Variants in RARS2 observed in about 807,000 individuals in gnomAD.
RARS2 encodes the protein arginyl-tRNA synthetase 2, mitochondrial.
Under a neutral mutation model 88.5 loss-of-function variants are expected in RARS2, and 67 were observed. The observed-to-expected ratio is 0.76, with a 90% CI of 0.62 to 0.93. The LOEUF is 0.93. Among genes scored for constraint, RARS2 ranks in the 40% least tolerant of loss-of-function variants. The pLI is 0.00. For missense variants in RARS2, 664 were observed against 684.2 expected (o/e 0.97, Z 0.33); for synonymous variants, 239 against 230.3 (o/e 1.04, Z -0.34).
intron 1 of RARS2, among the ~76,000 whole-genome samples, chr6:87,573,112 T>C (rs1057345810): frequency 8.5e-5 from 13 of 152,120 alleles, no homozygotes; most frequent in Admixed American, 3.9e-4. Context: ...GGCTAATTCA[T>C]GAGGAAAAGA....
In RARS2 at chr6:87,548,650, C is replaced by A. The variant is rs1355908142; in HGVS notation, c.396-4G>T. On this transcript the variant is annotated splice_region_variant and splice_polypyrimidine_tract_variant and intron_variant, in intron 5 of 19. Transcript: ENST00000369536. ...TTTTTTGGCAACATTAGGTGAACTG[C>A]AAAAAAAATGGGAAACATTTCTCTA... is the stretch of plus-strand genomic sequence containing the variant. 6.2e-7 allele frequency: 1 copy of A among 1,606,578 alleles called. No homozygotes were observed. Among genetic ancestry groups the A allele is most frequent in the Non-Finnish European group, 8.5e-7 (1 of 1,175,416 alleles).
intron 2 of RARS2, among the ~76,000 whole-genome samples, chr6:87,567,643 T>C (rs1369177530): frequency 6.6e-6 from 1 of 152,246 alleles, no homozygotes; most frequent in Non-Finnish European, 1.5e-5. Flanking sequence ...CTTAGTTACA[T>C]ACTGTAAAGG....
At chr6:87,548,489 G>GT in intron 6 of RARS2, 102 bp downstream of exon 6, 1 of 1,179,950 alleles carries the variant, frequency 8.5e-7, no homozygotes, top group South Asian at 1.4e-5. Flanking sequence ...TAAACTTTTT[G>GT]TTTTTTGCTA....
chr6:87,548,144 G>A (rs1420402782), intron 6 of RARS2, among the ~76,000 whole-genome samples: 1 of 152,176 alleles, frequency 6.6e-6, no homozygotes, highest in Non-Finnish European at 1.5e-5. Context: ...TTGGGAGGCT[G>A]AGGCAGGAGA....
chr6:87,569,476 A>T (rs370943491), intron 2 of RARS2, 41 bp downstream of exon 2: 29 of 1,485,526 alleles, frequency 2.0e-5, no homozygotes, highest in Non-Finnish European at 2.5e-5. Flanking sequence ...CAACAAAGTC[A>T]GCAACATTTT....
At chr6:87,539,716 C>T (rs149375713) in intron 8 of RARS2, among the ~76,000 whole-genome samples, 32 of 152,284 alleles carry the variant, frequency 2.1e-4, no homozygotes, top group African/African-American at 7.0e-4. Flanking sequence ...CTCCTTTGTT[C>T]GGTATACTCT....
intron 8 of RARS2, among the ~76,000 whole-genome samples, chr6:87,536,013 G>C (rs1779052242): frequency 6.6e-6 from 1 of 151,922 alleles, no homozygotes; most frequent in Non-Finnish European, 1.5e-5. Flanking sequence ...GTCAGTGCTA[G>C]GATACAGGCT....
rs199941996 is a variant in RARS2 at position 87,521,538 on chromosome 6, G to A, written c.975-14C>T. 904 of 1,608,398 alleles carry A rather than the reference G, an allele frequency of 5.6e-4. No individual in the cohort carries two copies. Among genetic ancestry groups the A allele is most frequent in the Non-Finnish European group, 7.1e-4 (836 of 1,175,238 alleles). On this transcript the variant is annotated splice_polypyrimidine_tract_variant and intron_variant, in intron 11 of 19. Coordinates refer to ENST00000369536, the MANE Select transcript of RARS2 (RefSeq NM_020320.5). ...GCTGCAAGATCTCTGAAACAAAGTGGCCATAAACCAAGAGTTACTAAGCAG... is the reference window on the plus strand; with the variant it reads ...GCTGCAAGATCTCTGAAACAAAGTGACCATAAACCAAGAGTTACTAAGCAG...
intron 2 of RARS2, among the ~76,000 whole-genome samples, chr6:87,565,712 A>G (rs1391228700): frequency 6.6e-6 from 1 of 152,236 alleles, no homozygotes; most frequent in Non-Finnish European, 1.5e-5. Context: ...TTTAATCAAC[A>G]TATAAGCATC....
At chr6:87,565,072 C>T (rs1767468755) in intron 2 of RARS2, among the ~76,000 whole-genome samples, 1 of 152,100 alleles carries the variant, frequency 6.6e-6, no homozygotes, top group African/African-American at 2.4e-5. Context: ...AATTCTTCCT[C>T]TTATACTAGC....
intron 4 of RARS2, among the ~76,000 whole-genome samples, chr6:87,556,328 G>A (rs1409172885): frequency 6.6e-6 from 1 of 151,852 alleles, no homozygotes; most frequent in African/African-American, 2.4e-5. Flanking sequence ...ATATTTTTGA[G>A]ACAGGCCTTA....
At chr6:87,528,705 G>T (rs763777101) in intron 10 of RARS2, among the ~76,000 whole-genome samples, 35 of 152,152 alleles carry the variant, frequency 2.3e-4, no homozygotes, top group Non-Finnish European at 4.3e-4. Context: ...AAGCAGAGAA[G>T]TAGAATGGAG....
rs148536715 is a variant in RARS2, at chr6:87,528,862, G to A, written c.878+680C>T. The stretch of plus-strand genomic sequence containing the variant: ...AGTACACTTGAAAACTGCTAACAGG[G>A]TAGATTTTAAATGTTCTCATCATAG... On this transcript the variant is annotated intron_variant, in intron 10 of 19. Transcript: ENST00000369536. Among the ~76,000 whole-genome samples the A allele has an allele frequency of 3.3e-3, 495 of 152,246 alleles. 2 individuals are homozygous for A. Among genetic ancestry groups the A allele is most frequent in the Non-Finnish European group, 5.0e-3 (343 of 68,018 alleles).
intron 1 of RARS2, among the ~76,000 whole-genome samples, chr6:87,586,707 T>C (rs770870216): frequency 6.6e-6 from 1 of 152,160 alleles, no homozygotes; most frequent in African/African-American, 2.4e-5. Flanking sequence ...ACGTTACACA[T>C]TCCTTCATTC....
intron 1 of RARS2, among the ~76,000 whole-genome samples, chr6:87,578,958 CAAAAAAAAAA>C (rs72383675): frequency 9.5e-5 from 4 of 41,886 alleles, no homozygotes; most frequent in South Asian, 1.4e-3. Flanking sequence ...GAGACTGTCT[CAAAAAAAAAA>C]AAAAAAAAAA....
At chr6:87,552,007 T>C (rs1784493251) in intron 5 of RARS2, among the ~76,000 whole-genome samples, 1 of 152,210 alleles carries the variant, frequency 6.6e-6, no homozygotes, top group Non-Finnish European at 1.5e-5. Context: ...TGGACAGCCA[T>C]TTATCCTGTA....
chr6:87,589,952 C>A lies in RARS2; in HGVS notation c.6G>T (p.Ala2=), dbSNP rs371542506. Residue 2 remains alanine (A), a synonymous_variant, in exon 1 of 20, where the codon GCG becomes GCT. Coordinates refer to ENST00000369536, the MANE Select transcript of RARS2 (RefSeq NM_020320.5). ...AAGCAATAGCGCGGCGAAAGCCGCA[C>A]GCCATGTCCACCTCTACGGAAGTGC... is the stretch of plus-strand genomic sequence containing the variant. The part of the protein sequence containing the change: M[A]CGFRRAIACQ... 3 of 1,614,212 alleles carry A rather than the reference C, an allele frequency of 1.9e-6. No homozygotes were observed. Among genetic ancestry groups the A allele is most frequent in the South Asian group, 1.1e-5 (1 of 91,092 alleles).
At chr6:87,519,130 G>T in intron 14 of RARS2, 2 of 442,502 alleles carry the variant, frequency 4.5e-6, no homozygotes, top group Non-Finnish European at 8.2e-6. Context: ...AAATAAATTT[G>T]GATTTCTGAT....
chr6:87,518,346 C>CTTA, intron 16 of RARS2, 82 bp from the exon 17 acceptor site: 1 of 1,602,432 alleles, frequency 6.2e-7, no homozygotes, highest in Non-Finnish European at 8.5e-7. Flanking sequence ...TGAACATGAC[C>CTTA]TTATAATACA....
Sources: gnomAD v4.1 joint callset for allele counts (sites outside exome capture counted in the v4.1 genomes callset) on GRCh38, gnomAD v4.1.1 for gene constraint, MANE v1.5 for transcripts, NCBI Gene and HGNC (gene_info 2026-07-23, HGNC 2026-07-21) for gene names.